The following LIPA variants were observed in gnomAD, a reference collection of about 807,000 sequenced individuals.
The protein encoded by LIPA is lipase A, lysosomal acid type.
Under a neutral mutation model 40.6 loss-of-function variants are expected in LIPA, and 26 were observed. The ratio of observed to expected loss-of-function variants is 0.64; its 90% CI spans 0.47 to 0.89. The LOEUF (loss-of-function observed/expected upper bound fraction) is 0.89, where lower values mean the gene tolerates loss of function less well. Among genes scored for constraint, LIPA ranks in the 40% least tolerant of loss-of-function variants. The pLI is 0.00. For synonymous variants in LIPA, 188 were observed against 168.4 expected, an observed-to-expected ratio of 1.12 and a Z score of -0.90; for missense variants, 455 against 479.6, an observed-to-expected ratio of 0.95 and a Z score of 0.48.
chr10:89,378,383 G>A lies in LIPA; in HGVS notation c.61+34408C>T, dbSNP rs7906284. ...TGGTGCTTGTTGGTTGCAGGGCAGC[G>A]GGAAGAGGCGTGTTGGTTTACAACA... On this transcript the variant is annotated intron_variant, in intron 2 of 8. Transcript: ENST00000371837. Among the ~76,000 whole-genome samples the A allele has an allele frequency of 3.2e-3, 493 of 152,234 alleles. 4 individuals carry two copies. Among genetic ancestry groups the A allele is most frequent in the African/African-American group, 0.011 (472 of 41,530 alleles).
At chr10:89,244,996 G>T (rs890495467) in intron 3 of LIPA, among the ~76,000 whole-genome samples, 32 of 152,114 alleles carry the variant, frequency 2.1e-4, no homozygotes, top group African/African-American at 7.7e-4. Flanking sequence ...GACTGAAATA[G>T]CACAAATATG....
At chr10:89,364,101 G>A (rs1041084501) in intron 2 of LIPA, among the ~76,000 whole-genome samples, 2 of 152,154 alleles carry the variant, frequency 1.3e-5, no homozygotes, top group East Asian at 1.9e-4. Context: ...AGGCATGACA[G>A]GAAGCAACAT....
At chr10:89,333,531 T>C (rs1279780890) in intron 1 of LIPA, among the ~76,000 whole-genome samples, 2 of 151,992 alleles carry the variant, frequency 1.3e-5, no homozygotes, top group Non-Finnish European at 2.9e-5. Flanking sequence ...GTGGGAAGAA[T>C]GTTGAAATAA....
intron 1 of LIPA, chr10:89,308,504 G>A (rs767783617): frequency 1.3e-5 from 2 of 152,144 alleles, no homozygotes; most frequent in Non-Finnish European, 2.9e-5. Context: ...GATATTAAGT[G>A]ATATAAACAC....
At chr10:89,376,949 T>C (rs1252724846) in intron 2 of LIPA, among the ~76,000 whole-genome samples, 1 of 152,196 alleles carries the variant, frequency 6.6e-6, no homozygotes, top group East Asian at 1.9e-4. Flanking sequence ...GAGAAGACTG[T>C]AATGAAGTTA....
At chr10:89,339,599 T>C (rs760690440) in intron 1 of LIPA, 3 of 1,614,208 alleles carry the variant, frequency 1.9e-6, no homozygotes, top group Middle Eastern at 1.6e-4. Flanking sequence ...CAATATGCTA[T>C]GGACTATTCG....
intron 2 of LIPA, among the ~76,000 whole-genome samples, chr10:89,379,605 G>C (rs1844147094): frequency 6.6e-6 from 1 of 152,160 alleles, no homozygotes; most frequent in Admixed American, 6.6e-5. Flanking sequence ...AGAAAAAGGG[G>C]CTGCTCTTTT....
intron 3 of LIPA, among the ~76,000 whole-genome samples, chr10:89,231,057 T>A (rs998024525): frequency 6.6e-6 from 1 of 152,080 alleles, no homozygotes; most frequent in African/African-American, 2.4e-5. Context: ...TAATTATCCA[T>A]CAACCATGAC....
At chr10:89,379,662 A>G (rs1287413965) in intron 2 of LIPA, among the ~76,000 whole-genome samples, 1 of 152,174 alleles carries the variant, frequency 6.6e-6, no homozygotes, top group Non-Finnish European at 1.5e-5. Context: ...AGAAGAAATT[A>G]TAAATGAAGG....
At chr10:89,364,977 C>T (rs961069438) in intron 2 of LIPA, among the ~76,000 whole-genome samples, 4 of 152,126 alleles carry the variant, frequency 2.6e-5, no homozygotes. Context: ...ATAACATCTA[C>T]CTACAAATAA....
chr10:89,382,483 T>C (rs895118118), intron 2 of LIPA, among the ~76,000 whole-genome samples: 1 of 152,222 alleles, frequency 6.6e-6, no homozygotes, highest in African/African-American at 2.4e-5. Context: ...TCCCACTGAC[T>C]TCATATTATT....
At chr10:89,368,926 T>TCA (rs3063812) in intron 2 of LIPA, among the ~76,000 whole-genome samples, 36,841 of 148,636 alleles carry the variant, frequency 0.25, 4,574 homozygotes, top group African/African-American at 0.27. Context: ...AACACAAAAC[T>TCA]CACACACACA....
intron 2 of LIPA, chr10:89,384,829 T>C (rs1844193976): frequency 8.5e-7 from 1 of 1,182,026 alleles, no homozygotes; most frequent in South Asian, 1.5e-5. Context: ...TGTTGGAAAT[T>C]TACCTTATTT....
At chr10:89,387,208 C>G (rs1482085707) in intron 2 of LIPA, among the ~76,000 whole-genome samples, 3 of 149,616 alleles carry the variant, frequency 2.0e-5, no homozygotes, top group African/African-American at 7.4e-5. Context: ...CCCAGCTACT[C>G]GGGAGGCTGA....
chr10:89,358,855 T>C (rs1265754667), intron 2 of LIPA, among the ~76,000 whole-genome samples: 1 of 152,150 alleles, frequency 6.6e-6, no homozygotes, highest in Non-Finnish European at 1.5e-5. Flanking sequence ...ATTTCTAGTG[T>C]TCGATAGTAC....
At chr10:89,264,840 G>GT (rs1234772588) in intron 1 of LIPA, among the ~76,000 whole-genome samples, 4 of 152,224 alleles carry the variant, frequency 2.6e-5, no homozygotes, top group Non-Finnish European at 5.9e-5. Context: ...CTTCAAGGTG[G>GT]TGCTTCACTG....
chr10:89,224,994 A>T (rs984510608), intron 6 of LIPA, 98 bp downstream of exon 6: 20 of 1,417,576 alleles, frequency 1.4e-5, no homozygotes, highest in Non-Finnish European at 2.0e-5. Flanking sequence ...ATCAAAACGC[A>T]GGGGAGGAAG....
Position 89,269,227 on chromosome 10 carries a change from G to A in LIPA, c.-1-21578C>T, listed in dbSNP as rs1378468254. On this transcript the variant is annotated intron_variant, in intron 1 of 5. Transcript: ENST00000282673. ...TGCCTGTAGTCCCAGCTACTCGGGA[G>A]GCTGAGGCAGGAGAATCACTTGAAC... 2.0e-5 allele frequency among the ~76,000 whole-genome samples: 3 copies of A among 152,080 alleles called. No individual in the cohort carries two copies. The East Asian group carries it at 5.8e-4, about 29-fold the overall frequency.
intron 3 of LIPA, among the ~76,000 whole-genome samples, chr10:89,241,695 T>G (rs2133456882): frequency 6.6e-6 from 1 of 152,312 alleles, no homozygotes; most frequent in East Asian, 1.9e-4. Context: ...AGCCTGTTTC[T>G]GCATGCTGAA....
Sources: allele counts gnomAD v4.1 joint callset (sites outside exome capture counted in the v4.1 genomes callset), GRCh38; gene constraint gnomAD v4.1.1; transcripts MANE v1.5; gene names NCBI Gene and HGNC (gene_info 2026-07-23, HGNC 2026-07-21).